The following NUDCD3 variants were observed in gnomAD, a reference collection of about 807,000 sequenced individuals.
The protein encoded by NUDCD3 is nudC domain-containing protein 3.
NUDCD3 carries 13 observed loss-of-function variants against 39.7 expected under a neutral mutation model. The ratio of observed to expected loss-of-function variants is 0.33; its 90% CI spans 0.21 to 0.52. The LOEUF (loss-of-function observed/expected upper bound fraction) is 0.52, where lower values mean the gene tolerates loss of function less well. Ranked by LOEUF, NUDCD3 falls within the 20% of genes least tolerant of loss-of-function variation. The pLI is 0.96. For synonymous variants in NUDCD3, 175 were observed against 172.4 expected (o/e 1.02, Z -0.12); for missense variants, 453 against 458.1 (o/e 0.99, Z 0.10).
intron 2 of NUDCD3, among the ~76,000 whole-genome samples, chr7:44,464,345 G>C (rs1163907083): frequency 6.6e-6 from 1 of 152,094 alleles, no homozygotes; most frequent in Non-Finnish European, 1.5e-5. Flanking sequence ...CCATTAATTT[G>C]AGTTAAATTA....
intron 5 of NUDCD3, among the ~76,000 whole-genome samples, chr7:44,390,500 A>G (rs1187538363): frequency 6.6e-6 from 1 of 152,136 alleles, no homozygotes; most frequent in Non-Finnish European, 1.5e-5. Flanking sequence ...TGTCTGGGGA[A>G]GATGTGAGAA....
chr7:44,427,181 A>G (rs1046158382), intron 3 of NUDCD3, among the ~76,000 whole-genome samples: 2 of 152,220 alleles, frequency 1.3e-5, no homozygotes, highest in African/African-American at 4.8e-5. Context: ...CTTTAGGAAA[A>G]AAGAGAATTC....
chr7:44,463,051 C>T (rs1800048606), intron 2 of NUDCD3, among the ~76,000 whole-genome samples: 1 of 151,846 alleles, frequency 6.6e-6, no homozygotes, highest in African/African-American at 2.4e-5. Flanking sequence ...CCATGGCCCT[C>T]ATGAGATAGC....
At chr7:44,421,695 A>T (rs1430428939) in intron 3 of NUDCD3, among the ~76,000 whole-genome samples, 1 of 152,166 alleles carries the variant, frequency 6.6e-6, no homozygotes, top group African/African-American at 2.4e-5. Flanking sequence ...CTACAAAGAG[A>T]CTTAAGACTC....
chr7:44,443,092 T>G (rs1201921239), intron 2 of NUDCD3, among the ~76,000 whole-genome samples: 1 of 152,196 alleles, frequency 6.6e-6, no homozygotes, highest in Non-Finnish European at 1.5e-5. Context: ...GTTTACTGGT[T>G]TATTTATGTT....
chr7:44,413,961 G>T (rs1798975651), intron 3 of NUDCD3, among the ~76,000 whole-genome samples: 1 of 151,940 alleles, frequency 6.6e-6, no homozygotes, highest in South Asian at 2.1e-4. Flanking sequence ...AGACTGAGAT[G>T]GGAAGATTGC....
intron 3 of NUDCD3, among the ~76,000 whole-genome samples, chr7:44,415,093 G>A (rs895015525): frequency 3.3e-5 from 5 of 152,138 alleles, no homozygotes; most frequent in Non-Finnish European, 4.4e-5. Flanking sequence ...CATAAAACAG[G>A]GTGGAGGTGA....
At chr7:44,422,925 T>C (rs899967044) in intron 3 of NUDCD3, among the ~76,000 whole-genome samples, 3 of 152,020 alleles carry the variant, frequency 2.0e-5, no homozygotes, top group East Asian at 1.9e-4. Context: ...CAGAAGCACA[T>C]CAAAAAGCTT....
At chr7:44,451,257 A>G (rs551927026) in intron 2 of NUDCD3, among the ~76,000 whole-genome samples, 1 of 152,220 alleles carries the variant, frequency 6.6e-6, no homozygotes, top group Non-Finnish European at 1.5e-5. Context: ...ATATGATTCC[A>G]TTTACATGAG....
chr7:44,402,568 C>A, intron 4 of NUDCD3: 2 of 447,746 alleles, frequency 4.5e-6, no homozygotes, highest in South Asian at 3.1e-5. Flanking sequence ...GGCTCAGAGA[C>A]CAGTGACTAA....
chr7:44,437,424 T>C (rs979911028), intron 2 of NUDCD3, among the ~76,000 whole-genome samples: 6 of 152,218 alleles, frequency 3.9e-5, no homozygotes, highest in African/African-American at 1.4e-4. Context: ...CAATAAGTTG[T>C]ACCAGAAGTT....
Position 44,484,975 on chromosome 7 carries a change from G to A in NUDCD3, c.502C>T (p.Leu168Phe), listed in dbSNP as rs1439567139. ...AAEVPREPPI[L>F]PRIQEQFQKN... Reference sequence around the variant, plus strand: ...CAAAGTAGAAATTCCCACCTGGGAAGAATTGGTGGTTCCCTAGGGACTTCA... The same window carrying A: ...CAAAGTAGAAATTCCCACCTGGGAAAAATTGGTGGTTCCCTAGGGACTTCA... Residue 168 changes from leucine (L) to phenylalanine (F), a missense_variant, in exon 2 of 6, where the codon CTT (leucine) becomes TTT (phenylalanine). Coordinates refer to ENST00000355451, the MANE Select transcript of NUDCD3 (RefSeq NM_015332.4). 5.0e-6 allele frequency: 8 copies of A among 1,597,878 alleles called. No homozygotes were observed. The highest frequency in any genetic ancestry group is 2.2e-5 in the East Asian group (1 of 44,612).
chr7:44,397,936 C>G (rs1023144869), intron 4 of NUDCD3, among the ~76,000 whole-genome samples: 7 of 152,210 alleles, frequency 4.6e-5, no homozygotes, highest in African/African-American at 1.7e-4. Flanking sequence ...TTTTCCTCCC[C>G]TGACATCTCC....
intron 3 of NUDCD3, among the ~76,000 whole-genome samples, chr7:44,410,025 A>T (rs1798893330): frequency 2.0e-5 from 3 of 152,196 alleles, no homozygotes; most frequent in Admixed American, 6.5e-5. Context: ...GAAGAAAAAT[A>T]AACAGAGTCA....
At chr7:44,396,407 G>A (rs767386915) in intron 4 of NUDCD3, among the ~76,000 whole-genome samples, 18 of 152,104 alleles carry the variant, frequency 1.2e-4, no homozygotes, top group Non-Finnish European at 1.8e-4. Context: ...TATTTTTAAG[G>A]ATGAGCATAT....
Position 44,478,157 on chromosome 7 carries a change from G to A in NUDCD3, c.509+6811C>T, listed in dbSNP as rs186550885. Among the ~76,000 whole-genome samples the A allele has an allele frequency of 2.0e-3, 309 of 152,264 alleles. 1 individual carries two copies. Among genetic ancestry groups the A allele is most frequent in the Non-Finnish European group, 3.4e-3 (232 of 68,016 alleles). Reference sequence around the variant, plus strand: ...CCTGAACAACTATTAAAATTGTAAAGCATCCTTACAGAATATAAGCACATT... The same window carrying A: ...CCTGAACAACTATTAAAATTGTAAAACATCCTTACAGAATATAAGCACATT... On this transcript the variant is annotated intron_variant, in intron 2 of 5. Coordinates refer to ENST00000355451, the MANE Select transcript of NUDCD3 (RefSeq NM_015332.4).
intron 3 of NUDCD3, among the ~76,000 whole-genome samples, chr7:44,412,094 A>T (rs1304567772): frequency 6.6e-6 from 1 of 152,142 alleles, no homozygotes; most frequent in African/African-American, 2.4e-5. Flanking sequence ...TCTGATAAGA[A>T]CTCTACCACT....
chr7:44,389,601 T>C (rs1798471572), intron 5 of NUDCD3, among the ~76,000 whole-genome samples: 1 of 152,136 alleles, frequency 6.6e-6, no homozygotes, highest in African/African-American at 2.4e-5. Flanking sequence ...GGATTATCAA[T>C]GAAACTGCAA....
At chr7:44,487,104 T>C (rs964475433) in intron 1 of NUDCD3, among the ~76,000 whole-genome samples, 1 of 152,208 alleles carries the variant, frequency 6.6e-6, no homozygotes, top group Non-Finnish European at 1.5e-5. Context: ...AAAAACAGCA[T>C]TATCGATTAT....
Sources: gnomAD v4.1 joint callset for allele counts (sites outside exome capture counted in the v4.1 genomes callset) on GRCh38, gnomAD v4.1.1 for gene constraint, MANE v1.5 for transcripts, NCBI Gene and HGNC (gene_info 2026-07-23, HGNC 2026-07-21) for gene names.